ATP13A4: variants seen among roughly 807,000 people sequenced by gnomAD.
ATP13A4 encodes probable cation-transporting ATPase 13A4.
ATP13A4 carries 114 observed loss-of-function variants against 142.5 expected under a neutral mutation model. That is an observed-to-expected ratio of 0.80 (90% CI 0.69 to 0.93). The LOEUF is 0.93. Ranked by LOEUF, ATP13A4 falls within the 40% of genes least tolerant of loss-of-function variation. The pLI, the probability that ATP13A4 is intolerant of heterozygous loss-of-function variation, is 0.00. For missense variants in ATP13A4, 1,392 were observed against 1,454.0 expected (o/e 0.96, Z 0.69); for synonymous variants, 488 against 514.8 (o/e 0.95, Z 0.70).
chr3:193,448,821 A>T (rs754363246), intron 17 of ATP13A4, among the ~76,000 whole-genome samples: 5 of 152,236 alleles, frequency 3.3e-5, no homozygotes, highest in Non-Finnish European at 7.3e-5. Flanking sequence ...GAAGAGGAAG[A>T]GAGTGTTCAT....
At chr3:193,529,028 T>C (rs1338098326) in intron 1 of ATP13A4, among the ~76,000 whole-genome samples, 2 of 152,042 alleles carry the variant, frequency 1.3e-5, no homozygotes, top group African/African-American at 4.8e-5. Context: ...TCCCAGCACT[T>C]TGGGAGGCTG....
chr3:193,464,774 C>A (rs191848878), intron 12 of ATP13A4, among the ~76,000 whole-genome samples, 166 bp downstream of exon 12: 121 of 152,224 alleles, frequency 7.9e-4, no homozygotes, highest in African/African-American at 2.7e-3. Context: ...TTGGACTCTG[C>A]GAGCTCAAGA....
chr3:193,561,680 C>A (rs1724019902), intron 2 of ATP13A4, among the ~76,000 whole-genome samples: 2 of 152,172 alleles, frequency 1.3e-5, no homozygotes, highest in Non-Finnish European at 2.9e-5. Flanking sequence ...GTTAGTGTGG[C>A]ATCAGAGGGG....
intron 18 of ATP13A4, among the ~76,000 whole-genome samples, chr3:193,445,962 T>G (rs1322373852): frequency 5.0e-5 from 1 of 19,924 alleles, no homozygotes; most frequent in East Asian, 1.4e-3. Flanking sequence ...CTGAACAAAC[T>G]GGGTGCAAAA....
In ATP13A4 at chr3:193,412,299, A is replaced by G. The variant is rs773065660; in HGVS notation, c.3087T>C (p.Ser1029=). 2 of 1,613,978 alleles carry G rather than the reference A, an allele frequency of 1.2e-6. No individual in the cohort carries two copies. Among genetic ancestry groups the G allele is most frequent in the East Asian group, 4.5e-5 (2 of 44,874 alleles). Residue 1029 remains serine (S), a synonymous_variant, in exon 27 of 30, where the codon AGT becomes AGC. Transcript: ENST00000342695. ...MSPTAPEKME[S]NSTFTSFENT... ...TCTCAAAACTTGTGAAGGTGCTATT[A>G]CTTTCCATTTTTTCTGGAGCAGTTG...
chr3:193,555,529 T>G (rs753159145), upstream of ATP13A4, among the ~76,000 whole-genome samples: 3 of 152,248 alleles, frequency 2.0e-5, no homozygotes, highest in Non-Finnish European at 4.4e-5. Flanking sequence ...CTCCTTTCAC[T>G]AAAATATTGA....
At chr3:193,542,988 AC>A (rs1398004349) in intron 1 of ATP13A4, among the ~76,000 whole-genome samples, 12 of 152,112 alleles carry the variant, frequency 7.9e-5, no homozygotes, top group African/African-American at 2.9e-4. Context: ...ACATGGTGAA[AC>A]CCTGTCTCTA....
chr3:193,570,149 C>A (rs547101988), intron 2 of ATP13A4, among the ~76,000 whole-genome samples: 2 of 152,020 alleles, frequency 1.3e-5, no homozygotes. Flanking sequence ...CAAAACAAAA[C>A]AAAAAAATTA....
rs76005234 is a variant in ATP13A4, at chr3:193,524,130, T to C, written c.61-9259A>G. On this transcript the variant is annotated intron_variant, in intron 1 of 29. Coordinates refer to ENST00000342695, the MANE Select transcript of ATP13A4 (RefSeq NM_032279.4). The stretch of plus-strand genomic sequence containing the variant: ...TCTTTATAAATTACCCAACTTCAGA[T>C]ACCCTACTATAGCAATATGAAATGG... Among the ~76,000 whole-genome samples, 830 of 152,310 alleles carry C rather than the reference T, an allele frequency of 5.4e-3. 14 individuals carry two copies. The East Asian group carries it at 0.07, about 13-fold the overall frequency.
intron 25 of ATP13A4, among the ~76,000 whole-genome samples, chr3:193,422,107 T>G (rs1715432801): frequency 6.7e-6 from 1 of 150,002 alleles, no homozygotes. Flanking sequence ...GAAGAAGATA[T>G]TCTATGCAAA....
chr3:193,474,077 T>C (rs953526558), intron 8 of ATP13A4, among the ~76,000 whole-genome samples: 5 of 151,824 alleles, frequency 3.3e-5, no homozygotes, highest in Admixed American at 3.3e-4. Context: ...CCTAGCACTT[T>C]GGGAGGACGA....
chr3:193,536,779 A>C (rs1188681473), intron 1 of ATP13A4, among the ~76,000 whole-genome samples: 1 of 152,138 alleles, frequency 6.6e-6, no homozygotes, highest in Non-Finnish European at 1.5e-5. Context: ...GTTACAGGAT[A>C]CAACATAGAC....
intron 1 of ATP13A4, among the ~76,000 whole-genome samples, chr3:193,585,593 C>T (rs1231522247): frequency 2.6e-5 from 4 of 151,970 alleles, no homozygotes; most frequent in Non-Finnish European, 5.9e-5. Flanking sequence ...AATTGGACAC[C>T]CCTGTTCTAA....
chr3:193,406,998 G>A (rs1012816472), intron 29 of ATP13A4, among the ~76,000 whole-genome samples: 3 of 152,210 alleles, frequency 2.0e-5, no homozygotes, highest in Non-Finnish European at 2.9e-5. Context: ...AAGGGTGAAT[G>A]TTATGGTGCG....
intron 8 of ATP13A4, among the ~76,000 whole-genome samples, chr3:193,475,239 G>A (rs1718898621): frequency 6.6e-6 from 1 of 152,022 alleles, no homozygotes; most frequent in Non-Finnish European, 1.5e-5. Context: ...GTAAAAAACT[G>A]AGAAATGTTT....
At chr3:193,476,938 A>C (rs1053196361) in intron 8 of ATP13A4, among the ~76,000 whole-genome samples, 2 of 152,068 alleles carry the variant, frequency 1.3e-5, no homozygotes, top group Non-Finnish European at 2.9e-5. Flanking sequence ...ACAACGAAAA[A>C]GTCTTAAGTA....
At chr3:193,474,763 G>GAA (rs1160234987) in intron 8 of ATP13A4, among the ~76,000 whole-genome samples, 1 of 149,728 alleles carries the variant, frequency 6.7e-6, no homozygotes, top group African/African-American at 2.5e-5. Context: ...AAGAAAGAAA[G>GAA]AGAAAGAAAG....
At chr3:193,412,734 A>C (rs1714838146) in intron 26 of ATP13A4, among the ~76,000 whole-genome samples, 1 of 152,152 alleles carries the variant, frequency 6.6e-6, no homozygotes, top group Non-Finnish European at 1.5e-5. Context: ...CAAGTGGCTT[A>C]ATATCTCTGA....
At position 193,402,868 on chromosome 3, in the gene ATP13A4, C is replaced by A. The variant is rs1326660230; in HGVS notation, c.3379-4G>T. 2 of 1,613,278 alleles carry A rather than the reference C, an allele frequency of 1.2e-6. No homozygotes were observed. The highest frequency in any genetic ancestry group is 1.7e-5 in the Admixed American group (1 of 59,946). On this transcript the variant is annotated splice_region_variant and splice_polypyrimidine_tract_variant and intron_variant, in intron 29 of 29. Coordinates refer to ENST00000342695, the MANE Select transcript of ATP13A4 (RefSeq NM_032279.4). ...CTCGATTTTCAATAACAGCCTCCTG[C>A]AAAATAAAATAATTACTTTTTACAA...
Sources: gnomAD v4.1 joint callset for allele counts (sites outside exome capture counted in the v4.1 genomes callset) on GRCh38, gnomAD v4.1.1 for gene constraint, MANE v1.5 for transcripts, NCBI Gene and HGNC (gene_info 2026-07-23, HGNC 2026-07-21) for gene names.